The following PACRG variants were observed in gnomAD, a reference collection of about 807,000 sequenced individuals.
PACRG encodes the protein parkin coregulated gene protein.
In PACRG, 29 loss-of-function variants were observed where a neutral mutation model predicts 29.7. The observed-to-expected ratio is 0.98, with a 90% CI of 0.73 to 1.33. The LOEUF (loss-of-function observed/expected upper bound fraction) is 1.33, where lower values mean the gene tolerates loss of function less well. Among genes scored for constraint, PACRG ranks in the 40% most tolerant of loss-of-function variants. The probability of loss-of-function intolerance (pLI) is 0.00; values close to 1 mark genes in which losing one functional copy is unlikely to be tolerated. For synonymous variants in PACRG, 116 were observed against 118.7 expected (o/e 0.98, Z 0.15); for missense variants, 279 against 316.2 (o/e 0.88, Z 0.89).
intron 4 of PACRG, among the ~76,000 whole-genome samples, chr6:163,271,069 CAGCCTTCAGTCTGTGGTTGAAGGTCCA>C (rs2128180069): frequency 6.6e-6 from 1 of 152,224 alleles, no homozygotes; most frequent in African/African-American, 2.4e-5. Flanking sequence ...GCCAACAGTG[CAGCCTTCAGTCTGTGGTTGAAGGTCCA>C]AGAGTCCCAA....
chr6:163,223,120 G>A (rs538683381), intron 4 of PACRG, among the ~76,000 whole-genome samples: 132 of 152,276 alleles, frequency 8.7e-4, no homozygotes, highest in African/African-American at 3.1e-3. Flanking sequence ...TTGACCGGGC[G>A]CGATGGCTCG....
At chr6:162,819,413 A>G (rs1787643491) in intron 2 of PACRG, among the ~76,000 whole-genome samples, 1 of 152,224 alleles carries the variant, frequency 6.6e-6, no homozygotes, top group African/African-American at 2.4e-5. Context: ...GTTGACATAC[A>G]TATGTCATTT....
chr6:162,847,039 C>CGCTGACTGCCGTGCTCCTCAT (rs57986846), intron 2 of PACRG, among the ~76,000 whole-genome samples: 11,713 of 135,836 alleles, frequency 0.086, 799 homozygotes, highest in Middle Eastern at 0.15. Context: ...GTGCTCCTCA[C>CGCTGACTGCCGTGCTCCTCAT]GCTGACTGCC....
chr6:163,239,998 A>C, intron 4 of PACRG, among the ~76,000 whole-genome samples: 1 of 124,628 alleles, frequency 8.0e-6, no homozygotes, highest in African/African-American at 3.2e-5. Context: ...ACACACTCAC[A>C]CCCCCATGCC....
intron 2 of PACRG, among the ~76,000 whole-genome samples, chr6:162,889,330 T>C (rs929659665): frequency 2.0e-5 from 3 of 152,332 alleles, no homozygotes; most frequent in South Asian, 4.1e-4. Flanking sequence ...GGCTATGATA[T>C]TCAGTTTTTG....
intron 1 of PACRG, among the ~76,000 whole-genome samples, chr6:162,766,473 G>T (rs1782803079): frequency 6.6e-6 from 1 of 152,122 alleles, no homozygotes; most frequent in Non-Finnish European, 1.5e-5. Flanking sequence ...CCCTTAGGTT[G>T]CTTCCATATC....
rs556414321 is a variant in PACRG at position 163,288,163 on chromosome 6, C to A, written c.614-26664C>A. Among the ~76,000 whole-genome samples the A allele has an allele frequency of 3.3e-5, 5 of 152,326 alleles. No individual in the cohort carries two copies. The South Asian group carries it at 6.2e-4, about 19-fold the overall frequency. ...TTCTTAATTGCAATTTCGTCTCATG[C>A]GCTTGAAATGCCAAGCACTAATGGT... On this transcript the variant is annotated intron_variant, in intron 4 of 4. Transcript: ENST00000366888.
At chr6:162,750,857 C>T (rs534309338) in intron 1 of PACRG, among the ~76,000 whole-genome samples, 5 of 152,282 alleles carry the variant, frequency 3.3e-5, no homozygotes, top group African/African-American at 1.2e-4. Flanking sequence ...ATTGTCCTGT[C>T]CTATAAACCA....
chr6:162,917,243 T>C lies in PACRG; in HGVS notation c.291+102962T>C, dbSNP rs566069664. Among the ~76,000 whole-genome samples the C allele has an allele frequency of 3.9e-5, 6 of 152,268 alleles. No homozygotes were observed. In the South Asian group the frequency reaches 1.2e-3, roughly 32 times the overall value. On this transcript the variant is annotated intron_variant, in intron 2 of 4. Coordinates refer to ENST00000366888, the MANE Select transcript of PACRG (RefSeq NM_001080379.2). ...GTAATATGAAGAAATTCTGAAATAA[T>C]GCAAGTGGAGCATTTATCCTGGAGC...
chr6:163,277,532 CATATATGTGT>C (rs1231842405), intron 4 of PACRG, among the ~76,000 whole-genome samples: 10 of 145,020 alleles, frequency 6.9e-5, no homozygotes, highest in African/African-American at 2.1e-4. Context: ...CACATATATA[CATATATGTGT>C]ATATATGTGT....
intron 2 of PACRG, among the ~76,000 whole-genome samples, chr6:163,000,215 A>G (rs986073770): frequency 2.0e-5 from 3 of 152,188 alleles, no homozygotes; most frequent in Non-Finnish European, 4.4e-5. Context: ...TCTAAATGCA[A>G]TCAGGCTTCA....
chr6:162,787,829 T>C (rs1020652072), intron 1 of PACRG, among the ~76,000 whole-genome samples: 1 of 151,764 alleles, frequency 6.6e-6, no homozygotes, highest in African/African-American at 2.4e-5. Flanking sequence ...CTCTAATTTT[T>C]TTTTGAAAAA....
Position 163,287,255 on chromosome 6 carries a change from G to A in PACRG, c.614-27572G>A, listed in dbSNP as rs534571756. Among the ~76,000 whole-genome samples, 5 of 152,260 alleles carry A rather than the reference G, an allele frequency of 3.3e-5. No individual in the cohort carries two copies. The East Asian group carries it at 9.6e-4, about 29-fold the overall frequency. On this transcript the variant is annotated intron_variant, in intron 4 of 4. Coordinates refer to ENST00000366888, the MANE Select transcript of PACRG (RefSeq NM_001080379.2). ...CGCATTTGCTTTGGTGTTCCTTGCA[G>A]GTCAAAAAGACAGCAAGCTCTTGCC... is the stretch of plus-strand genomic sequence containing the variant.
intron 2 of PACRG, among the ~76,000 whole-genome samples, chr6:162,828,551 C>T (rs777453098): frequency 6.6e-6 from 1 of 152,070 alleles, no homozygotes. Flanking sequence ...GCTTCCACTA[C>T]AGTAGGAAAA....
At chr6:163,148,286 T>C (rs1490731355) in intron 4 of PACRG, among the ~76,000 whole-genome samples, 2 of 152,206 alleles carry the variant, frequency 1.3e-5, no homozygotes, top group Non-Finnish European at 2.9e-5. Flanking sequence ...CTGAAAACAG[T>C]GTCTGGTATG....
intron 2 of PACRG, among the ~76,000 whole-genome samples, chr6:162,874,461 A>G (rs575344785): frequency 1.2e-4 from 18 of 152,236 alleles, no homozygotes; most frequent in Admixed American, 8.5e-4. Flanking sequence ...CAGGAGGGCA[A>G]GAAACCAGTG....
intron 4 of PACRG, among the ~76,000 whole-genome samples, chr6:163,115,951 AT>A (rs1335627529): frequency 1.3e-5 from 2 of 152,186 alleles, no homozygotes; most frequent in Admixed American, 1.3e-4. Context: ...AAGAAAAGCT[AT>A]TCATGCCTAT....
chr6:163,007,095 G>A (rs935372427), intron 2 of PACRG, among the ~76,000 whole-genome samples: 15 of 151,896 alleles, frequency 9.9e-5, no homozygotes, highest in African/African-American at 3.6e-4. Flanking sequence ...TGTAATTTTA[G>A]TGGTTGTCTT....
At chr6:162,866,788 T>C (rs1204160732) in intron 2 of PACRG, among the ~76,000 whole-genome samples, 1 of 152,166 alleles carries the variant, frequency 6.6e-6, no homozygotes, top group Non-Finnish European at 1.5e-5. Flanking sequence ...AGAGTAATCA[T>C]GCTAAGAAAA....
Sources: allele counts gnomAD v4.1 joint callset (sites outside exome capture counted in the v4.1 genomes callset), GRCh38; gene constraint gnomAD v4.1.1; transcripts MANE v1.5; gene names NCBI Gene and HGNC (gene_info 2026-07-23, HGNC 2026-07-21).